The following LEPR variants were observed in gnomAD, a reference collection of about 807,000 sequenced individuals.
LEPR encodes leptin receptor.
In LEPR, 56 loss-of-function variants were observed where a neutral mutation model predicts 114.7. The observed-to-expected ratio is 0.49, with a 90% CI of 0.39 to 0.61. LEPR has a LOEUF of 0.61. LEPR is among the 20% of genes least tolerant of loss of function. The pLI is 0.00. For missense variants in LEPR, 1,202 were observed against 1,352.9 expected, an observed-to-expected ratio of 0.89 and a Z score of 1.75; for synonymous variants, 443 against 461.4, an observed-to-expected ratio of 0.96 and a Z score of 0.51.
intron 3 of LEPR, among the ~76,000 whole-genome samples, chr1:65,566,421 C>T (rs1470566684): frequency 1.3e-5 from 2 of 152,050 alleles, no homozygotes; most frequent in African/African-American, 4.8e-5. Flanking sequence ...CAGATGGTCT[C>T]AATCTCTTGA....
intron 2 of LEPR, chr1:65,429,859 C>T: frequency 6.8e-7 from 1 of 1,460,274 alleles, no homozygotes; most frequent in Non-Finnish European, 9.2e-7. Context: ...GTCCAACTGA[C>T]AGCGTTTACT....
chr1:65,431,157 C>T (rs1270617776), intron 2 of LEPR, among the ~76,000 whole-genome samples: 2 of 152,110 alleles, frequency 1.3e-5, no homozygotes, highest in East Asian at 3.8e-4. Flanking sequence ...CTTTATTTTT[C>T]TTGTGCTTTA....
intron 5 of LEPR, among the ~76,000 whole-genome samples, chr1:65,590,370 T>G (rs1321666642): frequency 6.6e-6 from 1 of 151,356 alleles, no homozygotes; most frequent in Non-Finnish European, 1.5e-5. Flanking sequence ...GTGATATGGT[T>G]TGGCCATGTT....
intron 2 of LEPR, among the ~76,000 whole-genome samples, chr1:65,429,395 G>C (rs1321995219): frequency 1.3e-5 from 2 of 152,168 alleles, no homozygotes; most frequent in African/African-American, 4.8e-5. Flanking sequence ...ATGAATGGAA[G>C]AAGTAGATAA....
intron 7 of LEPR, among the ~76,000 whole-genome samples, chr1:65,597,783 CATTTT>C (rs1656166176): frequency 6.6e-6 from 1 of 152,066 alleles, no homozygotes; most frequent in Non-Finnish European, 1.5e-5. Context: ...AAATTTAAAA[CATTTT>C]ATTTTCACAA....
intron 2 of LEPR, among the ~76,000 whole-genome samples, chr1:65,514,247 A>G (rs781111531): frequency 3.9e-5 from 6 of 152,230 alleles, no homozygotes; most frequent in Non-Finnish European, 8.8e-5. Context: ...TGCCATATTC[A>G]TGCCAGCAGA....
intron 2 of LEPR, among the ~76,000 whole-genome samples, chr1:65,504,867 T>A (rs1245783765): frequency 2.0e-5 from 3 of 152,244 alleles, no homozygotes; most frequent in East Asian, 1.9e-4. Flanking sequence ...AATTCTACTA[T>A]CTTTATCACT....
At position 65,601,544 on chromosome 1, in the gene LEPR, G is replaced by C. The variant is rs756717508; in HGVS notation, c.1147G>C (p.Val383Leu). 1 of 1,613,776 alleles carries C rather than the reference G, an allele frequency of 6.2e-7. No individual in the cohort carries two copies. The highest frequency in any genetic ancestry group is 8.5e-7 in the Non-Finnish European group (1 of 1,179,750). The change falls in exon 9 of 20, where the codon GTT (valine) becomes CTT (leucine). Residue 383 changes from valine (V) to leucine (L), a missense_variant. Physicochemically the swap from Val to Leu is conservative, Grantham distance 32 (BLOSUM62 1). Coordinates refer to ENST00000349533, the MANE Select transcript of LEPR (RefSeq NM_002303.6). ...GAAAATTCCTCAAAGCCAGTATGAT[G>C]TTGTGAGTGATCATGTTAGCAAAGT... ...AEKIPQSQYD[V>L]VSDHVSKVTF...
At chr1:65,612,916 TCTGGCTG>T (rs1657268016) in intron 14 of LEPR, among the ~76,000 whole-genome samples, 2 of 152,178 alleles carry the variant, frequency 1.3e-5, no homozygotes, top group Admixed American at 6.5e-5. Flanking sequence ...GGTAGTGTTG[TCTGGCTG>T]AGGTAGTGTT....
intron 2 of LEPR, among the ~76,000 whole-genome samples, chr1:65,558,527 TTTTTTTTTTTG>T (rs1236184196): frequency 3.6e-5 from 1 of 28,104 alleles, no homozygotes; most frequent in Non-Finnish European, 7.4e-5. Context: ...GAATCAGAAG[TTTTTTTTTTTG>T]TTTTTTTTTT....
chr1:65,461,078 C>A (rs1419642743), intron 2 of LEPR, among the ~76,000 whole-genome samples: 1 of 150,858 alleles, frequency 6.6e-6, no homozygotes, highest in African/African-American at 2.4e-5. Flanking sequence ...TGGGTTCAAG[C>A]AATTCTCCTG....
chr1:65,433,746 A>G (rs552369138), intron 2 of LEPR: 1 of 916,934 alleles, frequency 1.1e-6, no homozygotes, highest in Admixed American at 6.2e-5. Flanking sequence ...TTTAACCGGC[A>G]TTTTTAATAA....
chr1:65,518,750 T>C (rs1649414354), intron 2 of LEPR, among the ~76,000 whole-genome samples: 1 of 152,228 alleles, frequency 6.6e-6, no homozygotes. Context: ...AAGCTTTCTA[T>C]CACTATGTAA....
chr1:65,623,034 G>T, intron 19 of LEPR, 53 bp downstream of exon 19: 1 of 1,537,630 alleles, frequency 6.5e-7, no homozygotes, highest in Admixed American at 1.7e-5. Flanking sequence ...CAATCTAGAC[G>T]CCATATGACT....
At chr1:65,452,469 T>C (rs1646800739) in intron 2 of LEPR, among the ~76,000 whole-genome samples, 1 of 151,978 alleles carries the variant, frequency 6.6e-6, no homozygotes, top group East Asian at 1.9e-4. Context: ...ACCTAATTTA[T>C]TGAGAGTTTT....
chr1:65,556,291 C>T (rs768059777), intron 2 of LEPR, among the ~76,000 whole-genome samples: 5 of 152,048 alleles, frequency 3.3e-5, no homozygotes, highest in African/African-American at 7.3e-5. Context: ...CCACTGAGTT[C>T]GTGGTATTTT....
intron 2 of LEPR, among the ~76,000 whole-genome samples, chr1:65,488,803 A>G (rs1647715126): frequency 6.7e-6 from 1 of 149,404 alleles, no homozygotes; most frequent in Non-Finnish European, 1.5e-5. Context: ...TCATCCTTCT[A>G]CTCTCTATCT....
Position 65,619,947 on chromosome 1 carries a change from G to A in LEPR, c.2415G>A (p.Glu805=). 1 of 1,612,252 alleles carries A rather than the reference G, an allele frequency of 6.2e-7. No homozygotes were observed. The highest frequency in any genetic ancestry group is 8.5e-7 in the Non-Finnish European group (1 of 1,178,730). Residue 805 remains glutamate (E), a synonymous_variant, in exon 17 of 20, where the codon GAG becomes GAA. Coordinates refer to ENST00000349533, the MANE Select transcript of LEPR (RefSeq NM_002303.6). ...CCTCAGATCATTTTATCCCCATTGA[G>A]AAGTACCAGTTCAGTCTTTACCCAA... ...YYIHDHFIPI[E]KYQFSLYPIF...
intron 2 of LEPR, among the ~76,000 whole-genome samples, chr1:65,505,565 A>G (rs1239117206): frequency 6.6e-6 from 1 of 152,084 alleles, no homozygotes; most frequent in East Asian, 1.9e-4. Context: ...GACAGGTATC[A>G]TCGTTTTAAC....
Sources: allele counts gnomAD v4.1 joint callset (sites outside exome capture counted in the v4.1 genomes callset), GRCh38; gene constraint gnomAD v4.1.1; transcripts MANE v1.5; gene names NCBI Gene and HGNC (gene_info 2026-07-23, HGNC 2026-07-21).